The following PLPPR1 variants were observed in gnomAD, a reference collection of about 807,000 sequenced individuals.
PLPPR1 encodes the protein phospholipid phosphatase related 1.
Under a neutral mutation model 33.1 loss-of-function variants are expected in PLPPR1, and 10 were observed. The ratio of observed to expected loss-of-function variants is 0.30; its 90% CI spans 0.19 to 0.51. PLPPR1 has a LOEUF of 0.51. PLPPR1 is among the 20% of genes least tolerant of loss of function. The pLI, the probability that PLPPR1 is intolerant of heterozygous loss-of-function variation, is 0.97. For missense variants in PLPPR1, 304 were observed against 408.1 expected (o/e 0.74, Z 2.20); for synonymous variants, 151 against 151.0 (o/e 1.00, Z 0.00).
intron 1 of PLPPR1, among the ~76,000 whole-genome samples, chr9:101,066,434 TG>T (rs1373534721): frequency 2.0e-5 from 3 of 151,988 alleles, no homozygotes; most frequent in African/African-American, 4.8e-5. Flanking sequence ...TCTTAAGGAA[TG>T]GGGAGTCATG....
chr9:101,099,867 G>C (rs553517090), intron 1 of PLPPR1, among the ~76,000 whole-genome samples: 5 of 152,078 alleles, frequency 3.3e-5, no homozygotes, highest in Non-Finnish European at 7.4e-5. Flanking sequence ...TTCTCCCCTT[G>C]AAGCAGTGAA....
intron 6 of PLPPR1, among the ~76,000 whole-genome samples, chr9:101,314,179 C>T (rs1829011237): frequency 6.6e-6 from 1 of 152,204 alleles, no homozygotes; most frequent in Admixed American, 6.5e-5. Flanking sequence ...GAAGCCATCA[C>T]AGTCTTGTAG....
At chr9:101,321,937 G>C (rs929916438) in intron 7 of PLPPR1, among the ~76,000 whole-genome samples, 2 of 148,184 alleles carry the variant, frequency 1.3e-5, no homozygotes, top group African/African-American at 4.9e-5. Flanking sequence ...TACATATATA[G>C]TTAAAAGATA....
intron 2 of PLPPR1, among the ~76,000 whole-genome samples, chr9:101,221,863 A>G (rs999609408): frequency 1.3e-5 from 2 of 152,234 alleles, no homozygotes; most frequent in African/African-American, 4.8e-5. Flanking sequence ...CACTACTTGA[A>G]TAAGACAGAA....
intron 1 of PLPPR1, among the ~76,000 whole-genome samples, chr9:101,142,983 A>G (rs1246719355): frequency 6.6e-6 from 1 of 152,090 alleles, no homozygotes; most frequent in Non-Finnish European, 1.5e-5. Context: ...TTGTGCAACT[A>G]GAGATCCAAG....
At chr9:101,163,620 G>A (rs944717982) in intron 1 of PLPPR1, among the ~76,000 whole-genome samples, 1 of 152,120 alleles carries the variant, frequency 6.6e-6, no homozygotes, top group Non-Finnish European at 1.5e-5. Flanking sequence ...ACATCCGGCT[G>A]AAGCACAGGT....
At chr9:101,227,171 C>T (rs1294999783) in intron 2 of PLPPR1, among the ~76,000 whole-genome samples, 4 of 152,126 alleles carry the variant, frequency 2.6e-5, no homozygotes, top group East Asian at 3.9e-4. Context: ...ACTAGGATCC[C>T]GTAGGGGAGC....
At chr9:101,144,931 T>C (rs754317452) in intron 1 of PLPPR1, among the ~76,000 whole-genome samples, 3 of 152,206 alleles carry the variant, frequency 2.0e-5, no homozygotes, top group Non-Finnish European at 4.4e-5. Flanking sequence ...TTTTCATCTG[T>C]TACCTCTGCT....
intron 1 of PLPPR1, among the ~76,000 whole-genome samples, chr9:101,121,556 T>C (rs933663581): frequency 6.6e-6 from 1 of 152,336 alleles, no homozygotes; most frequent in South Asian, 2.1e-4. Flanking sequence ...AATACAGTAA[T>C]ACATAATCAA....
intron 2 of PLPPR1, among the ~76,000 whole-genome samples, chr9:101,234,998 A>G (rs747332172): frequency 5.9e-5 from 9 of 151,964 alleles, no homozygotes; most frequent in Non-Finnish European, 1.0e-4. Flanking sequence ...AAGCTGGGAT[A>G]TCAAGTTTTT....
intron 1 of PLPPR1, among the ~76,000 whole-genome samples, chr9:101,168,582 T>C (rs754481547): frequency 1.3e-5 from 2 of 152,144 alleles, no homozygotes; most frequent in African/African-American, 2.4e-5. Context: ...ATATACTCTC[T>C]TTCTAGGTTG....
intron 2 of PLPPR1, among the ~76,000 whole-genome samples, chr9:101,251,416 G>A (rs1052777708): frequency 1.3e-5 from 2 of 152,088 alleles, no homozygotes; most frequent in Admixed American, 1.3e-4. Flanking sequence ...AGTATTCTGA[G>A]TACTTAGTAA....
intron 1 of PLPPR1, among the ~76,000 whole-genome samples, chr9:101,120,199 C>T (rs10989409): frequency 0.48 from 72,384 of 152,084 alleles, 17,758 homozygotes; most frequent in Non-Finnish European, 0.54. Context: ...AGAAATCTCT[C>T]ACAATTTATT....
intron 1 of PLPPR1, among the ~76,000 whole-genome samples, chr9:101,152,479 T>G (rs1483804360): frequency 1.3e-5 from 2 of 152,254 alleles, no homozygotes; most frequent in Admixed American, 6.5e-5. Context: ...TGCCCATGCC[T>G]ATGTCCTGAA....
At chr9:101,238,265 C>T (rs1347256905) in intron 2 of PLPPR1, among the ~76,000 whole-genome samples, 2 of 133,390 alleles carry the variant, frequency 1.5e-5, no homozygotes, top group Non-Finnish European at 3.2e-5. Context: ...TATATATACA[C>T]CCTATATATA....
chr9:101,200,455 G>C (rs1826472250), intron 2 of PLPPR1, among the ~76,000 whole-genome samples: 1 of 148,696 alleles, frequency 6.7e-6, no homozygotes, highest in African/African-American at 2.4e-5. Context: ...CAGTAAGGCA[G>C]AGAATACATA....
At chr9:101,225,610 A>G (rs1342759170) in intron 2 of PLPPR1, among the ~76,000 whole-genome samples, 1 of 152,152 alleles carries the variant, frequency 6.6e-6, no homozygotes, top group Admixed American at 6.5e-5. Flanking sequence ...AAATGAACAA[A>G]GAAAGAAGGA....
intron 2 of PLPPR1, among the ~76,000 whole-genome samples, chr9:101,250,396 T>C (rs1219518708): frequency 6.6e-6 from 1 of 152,018 alleles, no homozygotes; most frequent in Admixed American, 6.6e-5. Flanking sequence ...ATTCCAAAAC[T>C]CACCCGCAAT....
chr9:101,092,452 T>C (rs1315959195), intron 1 of PLPPR1, among the ~76,000 whole-genome samples: 1 of 152,206 alleles, frequency 6.6e-6, no homozygotes, highest in African/African-American at 2.4e-5. Flanking sequence ...TTTCTCAACA[T>C]AAATTTGGTG....
Sources: gnomAD v4.1 joint callset for allele counts (sites outside exome capture counted in the v4.1 genomes callset) on GRCh38, gnomAD v4.1.1 for gene constraint, MANE v1.5 for transcripts, NCBI Gene and HGNC (gene_info 2026-07-23, HGNC 2026-07-21) for gene names.